The following COL12A1 variants were observed in gnomAD, a reference collection of about 807,000 sequenced individuals.
COL12A1 encodes the protein collagen type XII alpha 1 chain.
In COL12A1, 114 loss-of-function variants were observed where a neutral mutation model predicts 349.7. The observed-to-expected ratio is 0.33, with a 90% CI of 0.28 to 0.38. The LOEUF is 0.38. Among genes scored for constraint, COL12A1 ranks in the 10% least tolerant of loss-of-function variants. The pLI is 1.00. For missense variants in COL12A1, 3,284 were observed against 3,756.9 expected, an observed-to-expected ratio of 0.87 and a Z score of 3.29; for synonymous variants, 1,369 against 1,329.0, an observed-to-expected ratio of 1.03 and a Z score of -0.66.
intron 2 of COL12A1, among the ~76,000 whole-genome samples, chr6:75,197,973 C>G (rs1378287341): frequency 6.6e-6 from 1 of 152,138 alleles, no homozygotes; most frequent in Non-Finnish European, 1.5e-5. Context: ...GAGCTGGTTA[C>G]TGTGTTGCTG....
intron 36 of COL12A1, among the ~76,000 whole-genome samples, chr6:75,130,501 T>C (rs1259871826): frequency 6.6e-6 from 1 of 152,184 alleles, no homozygotes; most frequent in Non-Finnish European, 1.5e-5. Context: ...TAACTATATC[T>C]ATTCAATAAA....
chr6:75,193,641 T>C (rs538572770), intron 3 of COL12A1, among the ~76,000 whole-genome samples: 6 of 152,196 alleles, frequency 3.9e-5, no homozygotes, highest in Non-Finnish European at 4.4e-5. Flanking sequence ...GCAGGTTTGT[T>C]ACGTATGTAT....
chr6:75,156,416 G>T lies in COL12A1; in HGVS notation c.3091C>A (p.Arg1031Ser), dbSNP rs575168916. Residue 1031 changes from arginine (R) to serine (S), a missense_variant, in exon 15 of 66, where the codon CGC becomes AGC. Arg to Ser is a moderately radical substitution (Grantham distance 110). Coordinates refer to ENST00000322507, the MANE Select transcript of COL12A1 (RefSeq NM_004370.6). ...ATTTGCTTCCCTCTCCCATGAGGGC[G>T]ATAGACAACACGGTAGTTGACGACT... ...GKVVNYRVVY[R>S]PHGRGKQMVA... The T allele has an allele frequency of 1.9e-6, 3 of 1,613,960 alleles. No homozygotes were observed. Among genetic ancestry groups the T allele is most frequent in the Non-Finnish European group, 2.5e-6 (3 of 1,179,930 alleles).
In COL12A1 at chr6:75,090,061, A is replaced by G; in HGVS notation, c.8941+49T>C. 1 of 1,594,708 alleles carries G rather than the reference A, an allele frequency of 6.3e-7. No individual in the cohort carries two copies. Among genetic ancestry groups the G allele is most frequent in the South Asian group, 1.1e-5 (1 of 90,092 alleles). On this transcript the variant is annotated intron_variant, in intron 63 of 65. Transcript: ENST00000322507. The surrounding 1 kb of genome is among the most constrained non-coding windows in gnomAD (Gnocchi z 4.1). ...GCCTTCAACCTGTCCCAACTCCTAC[A>G]TTTGCAAATTCCTTCCTTTATCCCA...
At chr6:75,159,097 A>G (rs977426673) in intron 14 of COL12A1, among the ~76,000 whole-genome samples, 2 of 152,026 alleles carry the variant, frequency 1.3e-5, no homozygotes, top group Non-Finnish European at 1.5e-5. Flanking sequence ...AAAATTAGTA[A>G]TAAAAATAAA....
chr6:75,122,675 A>T (rs2149371502), intron 43 of COL12A1, among the ~76,000 whole-genome samples: 1 of 152,314 alleles, frequency 6.6e-6, no homozygotes, highest in Admixed American at 6.5e-5. Flanking sequence ...AACGTTCGAC[A>T]TCCTTCTAAG....
chr6:75,198,821 T>G (rs2149488191), intron 2 of COL12A1, among the ~76,000 whole-genome samples: 1 of 152,266 alleles, frequency 6.6e-6, no homozygotes, highest in Admixed American at 6.5e-5. Flanking sequence ...AAGAATACAC[T>G]ACTAAAATAT....
rs1176323883 is a variant in COL12A1, at chr6:75,183,581, C to G, written c.1360G>C (p.Ala454Pro). 1 of 1,614,084 alleles carries G rather than the reference C, an allele frequency of 6.2e-7. No individual in the cohort carries two copies. ...LVDGSYSIGI[A>P]NFVKVRAFLE... The stretch of plus-strand genomic sequence containing the variant: ...AAGGCTCTAACTTTAACAAAGTTTG[C>G]AATCCCAATGCTATAGGAGCCATCA... Residue 454 changes from alanine to proline, a missense_variant, in exon 10 of 66, where the codon GCA becomes CCA. Ala to Pro is a conservative substitution (Grantham distance 27). This residue lies in a region of COL12A1 where 2,601 missense variants were observed against 2,824.8 expected (regional missense o/e 0.92). Transcript: ENST00000322507.
chr6:75,093,851 G>A (rs1218683365), intron 60 of COL12A1, among the ~76,000 whole-genome samples: 1 of 152,036 alleles, frequency 6.6e-6, no homozygotes, highest in South Asian at 2.1e-4. Context: ...TTTCTTTTAG[G>A]CTTCTAGCTA....
chr6:75,181,968 C>A (rs1212143668), intron 10 of COL12A1, among the ~76,000 whole-genome samples: 1 of 151,214 alleles, frequency 6.6e-6, no homozygotes, highest in Non-Finnish European at 1.5e-5. Context: ...TGGTGGCACA[C>A]TCCTGTAGTT....
At chr6:75,169,817 A>G (rs2149444573) in intron 13 of COL12A1, among the ~76,000 whole-genome samples, 1 of 152,318 alleles carries the variant, frequency 6.6e-6, no homozygotes, top group East Asian at 1.9e-4. Flanking sequence ...CTAGTATAGT[A>G]CCAGTATAGG....
chr6:75,157,419 T>C (rs1416495838), intron 14 of COL12A1, among the ~76,000 whole-genome samples: 1 of 151,512 alleles, frequency 6.6e-6, no homozygotes, highest in Non-Finnish European at 1.5e-5. Flanking sequence ...TCAAGAGCCA[T>C]TTGAAACAAT....
At chr6:75,095,352 TCACGCCTGTAATCCCAG>T (rs1308833062) in intron 59 of COL12A1, among the ~76,000 whole-genome samples, 173 bp from the exon 60 acceptor site, 2 of 151,970 alleles carry the variant, frequency 1.3e-5, no homozygotes, top group African/African-American at 4.8e-5. Flanking sequence ...GCGCGGTGGC[TCACGCCTGTAATCCCAG>T]CACTTTGGGA....
intron 21 of COL12A1, 25 bp from the exon 22 acceptor site, chr6:75,148,522 C>T (rs943560745): frequency 1.3e-6 from 2 of 1,596,368 alleles, no homozygotes; most frequent in East Asian, 2.2e-5. Context: ...AAAGGGTATA[C>T]ACTTTTCTCA....
In COL12A1 at chr6:75,155,772, A is replaced by G. The variant is rs1214411094; in HGVS notation, c.3333T>C (p.Pro1111=). Residue 1111 remains proline (P), a synonymous_variant, in exon 16 of 66, where the codon CCT becomes CCC. Coordinates refer to ENST00000322507, the MANE Select transcript of COL12A1 (RefSeq NM_004370.6). ...TGACTTTATAACCCTTCACTTCCCCAGGGGCAGGCTCCCAAGTCACTCGGA... is the reference window on the plus strand; with the variant it reads ...TGACTTTATAACCCTTCACTTCCCCGGGGGCAGGCTCCCAAGTCACTCGGA... ...SSFRVTWEPA[P]GEVKGYKVTF... is the part of the protein sequence containing the mutation. 1 of 1,613,656 alleles carries G rather than the reference A, an allele frequency of 6.2e-7. No homozygotes were observed. Among genetic ancestry groups the G allele is most frequent in the South Asian group, 1.1e-5 (1 of 91,070 alleles).
At position 75,132,100 on chromosome 6, in the gene COL12A1, A is replaced by G; in HGVS notation, c.5795-18T>C. The stretch of plus-strand genomic sequence containing the variant: ...TCTCATCACTGAGGAAATGAAGGCC[A>G]ACATCTATTTTTTAAGTCTGTTTAT... On this transcript the variant is annotated intron_variant, in intron 34 of 65. Transcript: ENST00000322507. 1 of 1,612,872 alleles carries G rather than the reference A, an allele frequency of 6.2e-7. No homozygotes were observed. Among genetic ancestry groups the G allele is most frequent in the Non-Finnish European group, 8.5e-7 (1 of 1,179,390 alleles).
Position 75,142,052 on chromosome 6 carries a change from A to G in COL12A1, c.4937T>C (p.Val1646Ala). 1.2e-6 allele frequency: 2 copies of G among 1,614,112 alleles called. No individual in the cohort carries two copies. The highest frequency in any genetic ancestry group is 1.7e-6 in the Non-Finnish European group (2 of 1,179,980). The change falls in exon 27 of 66, where the codon GTG becomes GCG. Residue 1646 changes from valine to alanine, a missense_variant. By Grantham distance (64) the Val-to-Ala change is moderately conservative. Around this residue, in one of 2 missense-constraint regions of COL12A1, gnomAD observed 2,601 missense variants for 2,824.8 expected, o/e 0.92. Transcript: ENST00000322507. ...CTCACGGGTAGTTTCTTGAGCAGTC[A>G]CTGGAGGAGACTCCCCCTCGTCATG... ...AVHDEGESPP[V>A]TAQETTRPVP...
chr6:75,148,648 G>C, intron 21 of COL12A1, 151 bp from the exon 22 acceptor site: 1 of 660,482 alleles, frequency 1.5e-6, no homozygotes. Flanking sequence ...ATCTGTATTA[G>C]AGGCTCATCA....
chr6:75,177,128 C>A (rs975068401), intron 12 of COL12A1, among the ~76,000 whole-genome samples: 1 of 152,064 alleles, frequency 6.6e-6, no homozygotes, highest in Admixed American at 6.6e-5. Flanking sequence ...GAGACTATAT[C>A]CTAGCATTTA....
Sources: gnomAD v4.1 joint callset for allele counts (sites outside exome capture counted in the v4.1 genomes callset) on GRCh38, gnomAD v4.1.1 for gene constraint, gnomAD v4.1.1 regional missense constraint, Gnocchi (gnomAD v3.1) non-coding constraint, MANE v1.5 for transcripts, NCBI Gene and HGNC (gene_info 2026-07-23, HGNC 2026-07-21) for gene names.